The following ZFHX3 variants were observed in gnomAD, a reference collection of about 807,000 sequenced individuals.
The protein encoded by ZFHX3 is zinc finger homeobox 3.
Under a neutral mutation model 279.1 loss-of-function variants are expected in ZFHX3, and 42 were observed. The ratio of observed to expected loss-of-function variants is 0.15; its 90% CI spans 0.12 to 0.19. The LOEUF is 0.19. Ranked by LOEUF, ZFHX3 falls within the 10% of genes least tolerant of loss-of-function variation. The pLI, the probability that ZFHX3 is intolerant of heterozygous loss-of-function variation, is 1.00. For synonymous variants in ZFHX3, 2,293 were observed against 1,957.8 expected, an observed-to-expected ratio of 1.17 and a Z score of -4.52; for missense variants, 4,981 against 4,754.0, an observed-to-expected ratio of 1.05 and a Z score of -1.40.
chr16:73,804,106 G>A (rs750399036), intron 1 of ZFHX3, among the ~76,000 whole-genome samples: 7 of 152,284 alleles, frequency 4.6e-5, no homozygotes, highest in East Asian at 3.9e-4. Flanking sequence ...CCAGTGAGCC[G>A]AGATTGTGCT....
chr16:72,917,111 C>T (rs758814995), intron 3 of ZFHX3, among the ~76,000 whole-genome samples: 24 of 152,130 alleles, frequency 1.6e-4, no homozygotes, highest in Non-Finnish European at 3.2e-4. Flanking sequence ...TATCATGGCA[C>T]GCGCCTATAG....
chr16:73,008,916 G>A (rs1030188094), intron 1 of ZFHX3, among the ~76,000 whole-genome samples: 66 of 63,926 alleles, frequency 1.0e-3, no homozygotes, highest in Non-Finnish European at 1.5e-3. Flanking sequence ...ATATACGTGT[G>A]TGTGTGTGTG....
Position 73,006,851 on chromosome 16 carries a change from AT to A in ZFHX3, c.-50+40900del, listed in dbSNP as rs569594958. ...CACAACCTCCTGTATACTTTAAATC[AT>A]CTTTTGATTACTTATAACACCTAAT... On this transcript the variant is annotated intron_variant, in intron 1 of 9. Transcript: ENST00000268489. Among the ~76,000 whole-genome samples, 12 of 152,316 alleles carry A rather than the reference AT, an allele frequency of 7.9e-5. No homozygotes were observed. The South Asian group carries it at 2.3e-3, about 29-fold the overall frequency.
chr16:73,722,900 G>A (rs2053487540), intron 1 of ZFHX3, among the ~76,000 whole-genome samples: 3 of 152,174 alleles, frequency 2.0e-5, no homozygotes, highest in Admixed American at 6.5e-5. Context: ...TAGCAGACAG[G>A]TGGAATTGGA....
chr16:73,172,812 T>C (rs560849661), intron 5 of ZFHX3, among the ~76,000 whole-genome samples: 1 of 152,046 alleles, frequency 6.6e-6, no homozygotes, highest in Admixed American at 6.5e-5. Context: ...AGGTTAGGAG[T>C]GAAGGACCAT....
intron 1 of ZFHX3, among the ~76,000 whole-genome samples, chr16:73,056,877 A>C (rs1447358768): frequency 6.6e-6 from 1 of 152,220 alleles, no homozygotes; most frequent in African/African-American, 2.4e-5. Context: ...CAAAGTAGGG[A>C]GGAAAAAAAG....
Position 72,787,479 on chromosome 16 carries a change from G to A in ZFHX3, c.10797C>T (p.Pro3599=). Residue 3599 remains proline (P), a synonymous_variant, in exon 10 of 10, where the codon CCC becomes CCT. Transcript: ENST00000268489. ...SAAHSNDSPP[P]PSAAAPSSAS... ...CGGAGGAGGGGGCGGCGGCCGACGG[G>A]GGAGGGGGGCTGTCGTTTGAGTGAG... 6.2e-7 allele frequency: 1 copy of A among 1,607,246 alleles called. No individual in the cohort carries two copies. Among genetic ancestry groups the A allele is most frequent in the Non-Finnish European group, 8.5e-7 (1 of 1,175,830 alleles).
chr16:73,046,558 T>C (rs1012769061), intron 1 of ZFHX3, among the ~76,000 whole-genome samples: 1 of 152,180 alleles, frequency 6.6e-6, no homozygotes, highest in South Asian at 2.1e-4. Context: ...TGACACCTCC[T>C]GAATTCAGGA....
At chr16:72,846,745 A>C (rs754215177) in intron 4 of ZFHX3, among the ~76,000 whole-genome samples, 1 of 152,228 alleles carries the variant, frequency 6.6e-6, no homozygotes, top group Non-Finnish European at 1.5e-5. Flanking sequence ...GCAATATATC[A>C]GTGCAGATAC....
intron 2 of ZFHX3, among the ~76,000 whole-genome samples, chr16:72,956,758 C>T (rs912933094): frequency 6.9e-5 from 4 of 57,698 alleles, no homozygotes; most frequent in Non-Finnish European, 1.4e-4. Context: ...CCCCTCACAA[C>T]AGTGCCACTG....
At chr16:73,635,578 C>G (rs1172563519) in intron 2 of ZFHX3, among the ~76,000 whole-genome samples, 1 of 152,108 alleles carries the variant, frequency 6.6e-6, no homozygotes, top group African/African-American at 2.4e-5. Flanking sequence ...AAAATATTTC[C>G]TCTTTTTCCC....
chr16:72,979,904 G>A (rs971301799), intron 1 of ZFHX3, among the ~76,000 whole-genome samples: 2 of 152,216 alleles, frequency 1.3e-5, no homozygotes, highest in Non-Finnish European at 2.9e-5. Context: ...TGCTTTTAAA[G>A]GTACACTATT....
At chr16:73,755,709 G>A (rs1255211425) in intron 1 of ZFHX3, among the ~76,000 whole-genome samples, 4 of 152,208 alleles carry the variant, frequency 2.6e-5, no homozygotes, top group Non-Finnish European at 5.9e-5. Context: ...AACCTCCCGT[G>A]AAGAAAAGCA....
intron 5 of ZFHX3, among the ~76,000 whole-genome samples, chr16:73,228,434 G>A (rs184676920): frequency 6.6e-6 from 1 of 152,280 alleles, no homozygotes; most frequent in Non-Finnish European, 1.5e-5. Flanking sequence ...AGGCCCAGGT[G>A]GGCAGATCAT....
At chr16:72,947,242 C>G (rs1408852965) in intron 3 of ZFHX3, among the ~76,000 whole-genome samples, 1 of 150,032 alleles carries the variant, frequency 6.7e-6, no homozygotes, top group Non-Finnish European at 1.5e-5. Context: ...CCAGGAGGTG[C>G]AAAAGAAAAA....
intron 3 of ZFHX3, among the ~76,000 whole-genome samples, chr16:73,377,905 C>T (rs867503605): frequency 2.0e-5 from 3 of 151,066 alleles, no homozygotes; most frequent in African/African-American, 4.9e-5. Flanking sequence ...TGGTGCCGAG[C>T]GCCTGTAGTC....
At chr16:73,611,441 T>A (rs557386030) in intron 2 of ZFHX3, among the ~76,000 whole-genome samples, 4 of 152,380 alleles carry the variant, frequency 2.6e-5, no homozygotes, top group African/African-American at 9.6e-5. Context: ...TCATTAATTA[T>A]CTTTTCTATT....
intron 2 of ZFHX3, among the ~76,000 whole-genome samples, chr16:73,511,760 G>A (rs1395139585): frequency 6.6e-6 from 1 of 152,144 alleles, no homozygotes; most frequent in African/African-American, 2.4e-5. Context: ...GAAATGCACA[G>A]TCTTAGCAGG....
At chr16:73,445,276 ATG>A (rs1295490783) in intron 3 of ZFHX3, among the ~76,000 whole-genome samples, 13 of 64,302 alleles carry the variant, frequency 2.0e-4, no homozygotes, top group African/African-American at 5.1e-4. Context: ...GTATGTATAT[ATG>A]TGTGTATATA....
Sources: allele counts gnomAD v4.1 joint callset (sites outside exome capture counted in the v4.1 genomes callset), GRCh38; gene constraint gnomAD v4.1.1; transcripts MANE v1.5; gene names NCBI Gene and HGNC (gene_info 2026-07-23, HGNC 2026-07-21).